The following CDC42SE2 variants were observed in gnomAD, a reference collection of about 807,000 sequenced individuals.
The protein encoded by CDC42SE2 is CDC42 small effector 2.
CDC42SE2 carries 3 observed loss-of-function variants against 11.5 expected under a neutral mutation model. That is an observed-to-expected ratio of 0.26 (90% CI 0.12 to 0.67). The LOEUF (loss-of-function observed/expected upper bound fraction) is 0.67, where lower values mean the gene tolerates loss of function less well. CDC42SE2 is among the 30% of genes least tolerant of loss of function. The probability of loss-of-function intolerance (pLI) is 0.80; values close to 1 mark genes in which losing one functional copy is unlikely to be tolerated. For synonymous variants in CDC42SE2, 33 were observed against 34.8 expected, an observed-to-expected ratio of 0.95 and a Z score of 0.18; for missense variants, 82 against 106.8, an observed-to-expected ratio of 0.77 and a Z score of 1.02.
intron 2 of CDC42SE2, among the ~76,000 whole-genome samples, chr5:131,337,620 G>A (rs1758605667): frequency 6.6e-6 from 1 of 152,234 alleles, no homozygotes. Flanking sequence ...GCTCCACCCA[G>A]TTCGAGCTTC....
At chr5:131,309,171 G>C (rs1028788734) in intron 1 of CDC42SE2, among the ~76,000 whole-genome samples, 1 of 152,124 alleles carries the variant, frequency 6.6e-6, no homozygotes, top group African/African-American at 2.4e-5. Context: ...ATTGAATTTT[G>C]TCAAAGGCCT....
the CDC42SE2 span, among the ~76,000 whole-genome samples, chr5:131,210,314 C>T: frequency 6.6e-6 from 1 of 152,184 alleles, no homozygotes; most frequent in African/African-American, 2.4e-5. Flanking sequence ...TTGCTTTTAA[C>T]CACTTCCTTC....
intron 2 of CDC42SE2, among the ~76,000 whole-genome samples, chr5:131,343,664 G>A (rs1234048494): frequency 6.6e-6 from 1 of 150,606 alleles, no homozygotes; most frequent in Non-Finnish European, 1.5e-5. Flanking sequence ...GGTGAGCTGA[G>A]ATCGCACCAT....
intron 1 of CDC42SE2, among the ~76,000 whole-genome samples, chr5:131,284,281 A>G (rs934181273): frequency 1.3e-5 from 2 of 152,224 alleles, no homozygotes; most frequent in Non-Finnish European, 2.9e-5. Context: ...ATTAGTTATA[A>G]TTTTAAAAAA....
At chr5:131,325,034 A>G (rs1221957119) in intron 2 of CDC42SE2, among the ~76,000 whole-genome samples, 1 of 152,170 alleles carries the variant, frequency 6.6e-6, no homozygotes, top group Non-Finnish European at 1.5e-5. Flanking sequence ...TACTGTGACA[A>G]TGGCTACATA....
chr5:131,309,911 T>C lies in CDC42SE2; in HGVS notation c.-454-6065T>C, dbSNP rs1249291008. Reference sequence around the variant, plus strand: ...TCAAAAAACCAGCTCCTGGATTCATTAATTTTTTGAAGGGTTTTTTGTGTC... The same window carrying C: ...TCAAAAAACCAGCTCCTGGATTCATCAATTTTTTGAAGGGTTTTTTGTGTC... On this transcript the variant is annotated intron_variant, in intron 1 of 4. Transcript: ENST00000505065. Among the ~76,000 whole-genome samples the C allele has an allele frequency of 4.0e-5, 6 of 151,612 alleles. No homozygotes were observed. In the East Asian group the frequency reaches 7.7e-4, roughly 20 times the overall value.
chr5:131,247,656 T>C (rs1756607643), intron 1 of CDC42SE2, among the ~76,000 whole-genome samples: 1 of 152,132 alleles, frequency 6.6e-6, no homozygotes, highest in East Asian at 1.9e-4. Flanking sequence ...TATTTATTTA[T>C]TTGTATAGAT....
upstream of CDC42SE2, among the ~76,000 whole-genome samples, chr5:131,263,453 C>T (rs537155692): frequency 6.6e-6 from 1 of 152,316 alleles, no homozygotes; most frequent in South Asian, 2.1e-4. Flanking sequence ...CCAAAGGAAT[C>T]ACAGAAGTCT....
intron 1 of CDC42SE2, among the ~76,000 whole-genome samples, chr5:131,311,176 G>A (rs1465575165): frequency 4.0e-5 from 6 of 151,878 alleles, no homozygotes; most frequent in Admixed American, 2.6e-4. Context: ...TGTCTGTAAA[G>A]GATTTTATTT....
At chr5:131,216,501 C>CAAAAAAAAAAAAAAAAAAA in the CDC42SE2 span, among the ~76,000 whole-genome samples, 24 of 42,168 alleles carry the variant, frequency 5.7e-4, no homozygotes, top group African/African-American at 2.1e-3. Context: ...GAACCTGTCT[C>CAAAAAAAAAAAAAAAAAAA]AAAAAAAAAA....
At chr5:131,269,590 C>G (rs1440259978) in intron 1 of CDC42SE2, among the ~76,000 whole-genome samples, 1 of 151,720 alleles carries the variant, frequency 6.6e-6, no homozygotes, top group Non-Finnish European at 1.5e-5. Flanking sequence ...CCTATGAAAC[C>G]TTGTCTTTAC....
At chr5:131,365,708 C>T (rs529194584) in intron 3 of CDC42SE2, among the ~76,000 whole-genome samples, 12 of 152,258 alleles carry the variant, frequency 7.9e-5, no homozygotes, top group Admixed American at 1.3e-4. Flanking sequence ...CAGGGCCTGG[C>T]GTGGTGGCTC....
intron 1 of CDC42SE2, among the ~76,000 whole-genome samples, chr5:131,305,679 A>G (rs1262050810): frequency 6.6e-6 from 1 of 152,032 alleles, no homozygotes; most frequent in East Asian, 1.9e-4. Context: ...ATGGTTTTTA[A>G]ATATTTTCTC....
intron 1 of CDC42SE2, among the ~76,000 whole-genome samples, chr5:131,274,887 C>A (rs746657715): frequency 3.9e-5 from 6 of 152,142 alleles, no homozygotes; most frequent in Non-Finnish European, 5.9e-5. Context: ...GGGGACTCAA[C>A]ATTTCCTGAA....
chr5:131,321,217 T>C (rs918572239), intron 2 of CDC42SE2, among the ~76,000 whole-genome samples: 3 of 152,240 alleles, frequency 2.0e-5, no homozygotes, highest in Admixed American at 6.5e-5. Context: ...GTTCATCGTA[T>C]TCTCACTTGT....
At chr5:131,346,268 C>T (rs1758841969) in intron 2 of CDC42SE2, among the ~76,000 whole-genome samples, 1 of 152,100 alleles carries the variant, frequency 6.6e-6, no homozygotes, top group South Asian at 2.1e-4. Context: ...ATCTCAAGTG[C>T]AGAGACACAC....
intron 1 of CDC42SE2, among the ~76,000 whole-genome samples, chr5:131,282,361 G>A (rs1040668199): frequency 3.9e-5 from 6 of 152,132 alleles, no homozygotes; most frequent in Admixed American, 1.3e-4. Flanking sequence ...ATAAACAATA[G>A]CAAGTTTCTC....
At position 131,267,882 on chromosome 5, in the gene CDC42SE2, G is replaced by T. The variant is rs1396699025; in HGVS notation, c.-455+3716G>T. 2.6e-5 allele frequency among the ~76,000 whole-genome samples: 4 copies of T among 152,004 alleles called. No individual in the cohort carries two copies. In the East Asian group the frequency reaches 7.7e-4, roughly 29 times the overall value. ...AGATTTTTGTCAAAATTAAAAATGC[G>T]TGTTGGTTTTGATCTGCTGTATTGT... On this transcript the variant is annotated intron_variant, in intron 1 of 4. Coordinates refer to ENST00000505065, the MANE Select transcript of CDC42SE2 (RefSeq NM_001375635.1).
At chr5:131,250,181 A>C (rs938391860) in intron 1 of CDC42SE2, among the ~76,000 whole-genome samples, 3 of 152,248 alleles carry the variant, frequency 2.0e-5, no homozygotes, top group Non-Finnish European at 4.4e-5. Flanking sequence ...AAGGACAATC[A>C]TAGCTCCACT....
Sources: allele counts gnomAD v4.1 joint callset (sites outside exome capture counted in the v4.1 genomes callset), GRCh38; gene constraint gnomAD v4.1.1; transcripts MANE v1.5; gene names NCBI Gene and HGNC (gene_info 2026-07-23, HGNC 2026-07-21).